Variants in PSD3 observed in about 807,000 individuals in gnomAD.
The protein encoded by PSD3 is pleckstrin and Sec7 domain containing 3.
In PSD3, 49 loss-of-function variants were observed where a neutral mutation model predicts 105.5. The ratio of observed to expected loss-of-function variants is 0.46; its 90% CI spans 0.37 to 0.59. The LOEUF (loss-of-function observed/expected upper bound fraction) is 0.59, where lower values mean the gene tolerates loss of function less well. PSD3 is among the 20% of genes least tolerant of loss of function. PSD3 has a pLI of 0.00. For synonymous variants in PSD3, 557 were observed against 457.8 expected (o/e 1.22, Z -2.77); for missense variants, 1,561 against 1,263.8 (o/e 1.24, Z -3.57).
chr8:18,749,384 G>A (rs1805291889), intron 9 of PSD3, among the ~76,000 whole-genome samples: 1 of 152,182 alleles, frequency 6.6e-6, no homozygotes, highest in Non-Finnish European at 1.5e-5. Context: ...ATGCTGCCCA[G>A]TTGAAAGTCA....
rs188948894 is a variant in PSD3 at position 18,756,341 on chromosome 8, T to C, written c.2172+9108A>G. On this transcript the variant is annotated intron_variant, in intron 9 of 15. Transcript: ENST00000327040. The stretch of plus-strand genomic sequence containing the variant: ...TTCCTTTATAAAAAGTTCAGACCTT[T>C]TTCTGACTGAGGTCTGCTTCTTCCT... 8.5e-5 allele frequency among the ~76,000 whole-genome samples: 13 copies of C among 152,314 alleles called. No individual in the cohort carries two copies. The East Asian group carries it at 2.1e-3, about 25-fold the overall frequency.
intron 9 of PSD3, among the ~76,000 whole-genome samples, chr8:18,703,069 G>C (rs1277295158): frequency 1.3e-5 from 2 of 151,992 alleles, no homozygotes; most frequent in Non-Finnish European, 2.9e-5. Flanking sequence ...AATCCTAATG[G>C]GAGGAACTCT....
At chr8:18,704,330 A>T (rs1478906025) in intron 9 of PSD3, among the ~76,000 whole-genome samples, 1 of 152,220 alleles carries the variant, frequency 6.6e-6, no homozygotes, top group Non-Finnish European at 1.5e-5. Flanking sequence ...AACTCCGTGT[A>T]TAAAGGAAAA....
intron 10 of PSD3, among the ~76,000 whole-genome samples, chr8:18,652,334 G>A (rs998413416): frequency 2.0e-5 from 3 of 152,006 alleles, no homozygotes; most frequent in African/African-American, 4.8e-5. Flanking sequence ...AGACTACATT[G>A]GAAGAAGACA....
At chr8:18,552,446 T>G (rs1479873371) in intron 15 of PSD3, among the ~76,000 whole-genome samples, 1 of 152,212 alleles carries the variant, frequency 6.6e-6, no homozygotes. Flanking sequence ...TAGGGCCAAC[T>G]GCATTGCTGT....
chr8:18,784,933 G>C (rs113727796), intron 8 of PSD3, among the ~76,000 whole-genome samples: 2,191 of 152,242 alleles, frequency 0.014, 17 homozygotes, highest in Non-Finnish European at 0.023. Flanking sequence ...TTGCTCCCTG[G>C]AGGTGGGGTG....
At chr8:18,932,362 G>T (rs1481417855) in intron 2 of PSD3, among the ~76,000 whole-genome samples, 1 of 152,226 alleles carries the variant, frequency 6.6e-6, no homozygotes, top group Non-Finnish European at 1.5e-5. Context: ...GCTGTGAGAA[G>T]TAATTACAGT....
At chr8:18,815,750 G>A (rs538676244) in intron 4 of PSD3, among the ~76,000 whole-genome samples, 2 of 135,342 alleles carry the variant, frequency 1.5e-5, no homozygotes, top group African/African-American at 2.8e-5. Context: ...CGACATGGCC[G>A]TACGGTCTCA....
chr8:18,764,936 G>C (rs1806850160), intron 9 of PSD3, among the ~76,000 whole-genome samples: 4 of 152,096 alleles, frequency 2.6e-5, no homozygotes, highest in African/African-American at 9.7e-5. Context: ...AATCTGATGA[G>C]GGGGAAAAAC....
intron 9 of PSD3, among the ~76,000 whole-genome samples, chr8:18,668,183 G>A (rs1585560864): frequency 6.6e-6 from 1 of 152,248 alleles, no homozygotes; most frequent in Admixed American, 6.5e-5. Flanking sequence ...AGTGGGCAGA[G>A]AGGCCGAGGG....
chr8:19,075,719 A>G (rs749548077), intron 1 of PSD3, among the ~76,000 whole-genome samples: 5 of 152,206 alleles, frequency 3.3e-5, no homozygotes, highest in African/African-American at 9.7e-5. Flanking sequence ...TGCAGTGACT[A>G]AAGTATTAAA....
chr8:19,030,070 G>C (rs1479042525), intron 1 of PSD3, among the ~76,000 whole-genome samples: 5 of 152,120 alleles, frequency 3.3e-5, no homozygotes, highest in African/African-American at 1.2e-4. Flanking sequence ...TAGGGGAAAA[G>C]CATTTAGTCT....
rs201016537 is a variant in PSD3 at position 18,544,171 on chromosome 8, C to CAAAAAA, written c.2929-8219_2929-8214dup. On this transcript the variant is annotated intron_variant, in intron 15 of 15. Transcript: ENST00000327040. ...TACAATGGAAAACAAAGAAACAAAC[C>CAAAAAA]AAAAAAAAAAAAAAAAAAAAAAAAA... Among the ~76,000 whole-genome samples the CAAAAAA allele has an allele frequency of 5.0e-3, 526 of 106,142 alleles. 14 individuals carry two copies. The highest frequency in any genetic ancestry group is 7.0e-3 in the Non-Finnish European group (395 of 56,604). The allele number at this position is 106,142 out of a possible 152,430, so 69.6% of individuals were successfully genotyped here.
At chr8:18,635,029 G>C (rs1048202950) in intron 10 of PSD3, among the ~76,000 whole-genome samples, 1 of 152,096 alleles carries the variant, frequency 6.6e-6, no homozygotes, top group Non-Finnish European at 1.5e-5. Flanking sequence ...AAATTCTTCT[G>C]TAAGTATGGA....
At chr8:18,679,499 C>G (rs1800263544) in intron 9 of PSD3, among the ~76,000 whole-genome samples, 1 of 152,172 alleles carries the variant, frequency 6.6e-6, no homozygotes, top group Admixed American at 6.5e-5. Context: ...ATTCAGAATA[C>G]ATATAAAACT....
At position 18,833,032 on chromosome 8, in the gene PSD3, G is replaced by C. The variant is rs183908867; in HGVS notation, c.1635-28134C>G. ...AGGTTATAATTGAGCAGCCATGAGA[G>C]ATGATTTTTAAAAAGCAACTATGTT... On this transcript the variant is annotated intron_variant, in intron 4 of 15. Transcript: ENST00000327040. Among the ~76,000 whole-genome samples the C allele has an allele frequency of 5.2e-3, 787 of 152,284 alleles. 26 individuals carry two copies. The highest frequency in any genetic ancestry group is 0.045 in the Admixed American group (681 of 15,298).
At chr8:18,782,031 C>T (rs989747179) in intron 8 of PSD3, among the ~76,000 whole-genome samples, 1 of 152,012 alleles carries the variant, frequency 6.6e-6, no homozygotes, top group Non-Finnish European at 1.5e-5. Context: ...TTCAGGATTT[C>T]TATTTAACTT....
At chr8:18,769,769 A>G (rs922525842) in intron 8 of PSD3, among the ~76,000 whole-genome samples, 2 of 152,218 alleles carry the variant, frequency 1.3e-5, no homozygotes, top group African/African-American at 4.8e-5. Context: ...CTTTTACTTA[A>G]CATGTTTTCC....
intron 9 of PSD3, among the ~76,000 whole-genome samples, chr8:18,723,255 G>A (rs147937168): frequency 7.6e-4 from 115 of 152,194 alleles, no homozygotes; most frequent in African/African-American, 2.6e-3. Flanking sequence ...CAGGTGTAAC[G>A]ATCAATATTA....
Sources: gnomAD v4.1 joint callset for allele counts (sites outside exome capture counted in the v4.1 genomes callset) on GRCh38, gnomAD v4.1.1 for gene constraint, MANE v1.5 for transcripts, NCBI Gene and HGNC (gene_info 2026-07-23, HGNC 2026-07-21) for gene names.